ATP10D: variants seen among roughly 807,000 people sequenced by gnomAD.
The protein encoded by ATP10D is ATPase phospholipid transporting 10D (putative).
In ATP10D, 89 loss-of-function variants were observed where a neutral mutation model predicts 144.8. That is an observed-to-expected ratio of 0.61 (90% CI 0.52 to 0.73). The LOEUF (loss-of-function observed/expected upper bound fraction) is 0.73, where lower values mean the gene tolerates loss of function less well. Among genes scored for constraint, ATP10D ranks in the 30% least tolerant of loss-of-function variants. ATP10D has a pLI of 0.00. For synonymous variants in ATP10D, 571 were observed against 615.1 expected (o/e 0.93, Z 1.06); for missense variants, 1,603 against 1,714.8 (o/e 0.93, Z 1.15).
intron 21 of ATP10D, among the ~76,000 whole-genome samples, chr4:47,584,713 A>AT (rs1335609751): frequency 6.6e-6 from 1 of 152,170 alleles, no homozygotes; most frequent in East Asian, 1.9e-4. Flanking sequence ...GTTTTAAGAG[A>AT]TAAAAAATTG....
At chr4:47,507,756 G>C (rs917701277) in intron 1 of ATP10D, among the ~76,000 whole-genome samples, 3 of 152,232 alleles carry the variant, frequency 2.0e-5, no homozygotes, top group African/African-American at 7.2e-5. Flanking sequence ...ACTATGGCAA[G>C]TGCATATGAG....
chr4:47,558,946 C>T lies in ATP10D; in HGVS notation c.2458C>T (p.Gln820Ter). 1 of 1,613,920 alleles carries T rather than the reference C, an allele frequency of 6.2e-7. No homozygotes were observed. Among genetic ancestry groups the T allele is most frequent in the South Asian group, 1.1e-5 (1 of 91,056 alleles). ...AGATGGAGCAAGTCTGGAGAAACAA[C>T]AGATGATAGTAAGGGAGAAAACCCA... ...SPDGASLEKQ[Q>*]MIVREKTQKH... Residue 820 changes from glutamine to a stop codon, truncating the protein, a stop_gained, in exon 13 of 23, where the codon CAG (glutamine) becomes TAG (stop). Coordinates refer to ENST00000273859, the MANE Select transcript of ATP10D (RefSeq NM_020453.4). LOFTEE classifies it high-confidence loss of function.
intron 1 of ATP10D, among the ~76,000 whole-genome samples, chr4:47,511,691 G>A (rs1716336515): frequency 6.6e-6 from 1 of 152,182 alleles, no homozygotes; most frequent in Non-Finnish European, 1.5e-5. Context: ...TTCATAATTT[G>A]ATGGGTGGGC....
At chr4:47,582,494 G>T (rs966118461) in intron 21 of ATP10D, among the ~76,000 whole-genome samples, 8 of 152,138 alleles carry the variant, frequency 5.3e-5, no homozygotes, top group African/African-American at 1.9e-4. Context: ...CCCTTCAGTG[G>T]TTTCCCATTG....
Position 47,546,688 on chromosome 4 carries a change from T to TCTATAAAAA in ATP10D, c.1461_1462insCTATAAAAA (p.Ser487_Gly488insLeuTer). The TCTATAAAAA allele has an allele frequency of 1.9e-6, 3 of 1,614,142 alleles. No homozygotes were observed. Among genetic ancestry groups the TCTATAAAAA allele is most frequent in the Non-Finnish European group, 2.5e-6 (3 of 1,179,984 alleles). On this transcript the variant is annotated stop_gained and inframe_insertion, in exon 10 of 23. Coordinates refer to ENST00000273859, the MANE Select transcript of ATP10D (RefSeq NM_020453.4). LOFTEE classifies it high-confidence loss of function. ...ATGAAGATTTTATAGACACAGTCAGTGGTTCCCTCAGCAATATGGCAAAAC... is the reference window on the plus strand; with the variant it reads ...ATGAAGATTTTATAGACACAGTCAGTCTATAAAAAGGTTCCCTCAGCAATATGGCAAAAC...
intron 5 of ATP10D, among the ~76,000 whole-genome samples, chr4:47,533,844 A>G (rs1717689541): frequency 6.6e-6 from 1 of 151,852 alleles, no homozygotes; most frequent in Non-Finnish European, 1.5e-5. Context: ...TTCCTTTCCT[A>G]CCCCTCCACT....
chr4:47,542,520 C>G (rs968971200), intron 9 of ATP10D, among the ~76,000 whole-genome samples: 2 of 152,114 alleles, frequency 1.3e-5, no homozygotes, highest in Non-Finnish European at 2.9e-5. Flanking sequence ...CTAGTCTCGC[C>G]AGGTTGCAGT....
chr4:47,535,784 C>CA, intron 6 of ATP10D, 118 bp from the exon 7 acceptor site: 1 of 1,356,306 alleles, frequency 7.4e-7, no homozygotes, highest in Non-Finnish European at 9.9e-7. Flanking sequence ...ATTGAACTGA[C>CA]AAAATAGATC....
At chr4:47,564,154 A>G in intron 15 of ATP10D, among the ~76,000 whole-genome samples, 1 of 152,130 alleles carries the variant, frequency 6.6e-6, no homozygotes, top group Non-Finnish European at 1.5e-5. Flanking sequence ...GGCCTCCCAA[A>G]GTGCTGGGAT....
At chr4:47,510,814 T>TA (rs140555898) in intron 1 of ATP10D, among the ~76,000 whole-genome samples, 2,211 of 152,334 alleles carry the variant, frequency 0.015, 59 homozygotes, top group African/African-American at 0.051. Flanking sequence ...TAAACATTCT[T>TA]ATGTCTTAGT....
At chr4:47,489,971 C>T (rs1714988248) in intron 1 of ATP10D, among the ~76,000 whole-genome samples, 1 of 152,126 alleles carries the variant, frequency 6.6e-6, no homozygotes, top group South Asian at 2.1e-4. Context: ...CTACATTCCT[C>T]TTAGTAAAAC....
intron 22 of ATP10D, 63 bp from the exon 23 acceptor site, chr4:47,590,979 G>A (rs546890641): frequency 4.3e-6 from 5 of 1,160,652 alleles, no homozygotes; most frequent in Non-Finnish European, 5.9e-6. Flanking sequence ...TAGTATTTGG[G>A]GGGGGGGGTT....
chr4:47,568,785 T>C, intron 15 of ATP10D, 52 bp from the exon 16 acceptor site: 1 of 1,496,454 alleles, frequency 6.7e-7, no homozygotes, highest in Non-Finnish European at 9.1e-7. Flanking sequence ...ATGTAACTGG[T>C]TCTGACACCA....
chr4:47,537,068 A>T, intron 9 of ATP10D, 130 bp downstream of exon 9: 1 of 1,091,976 alleles, frequency 9.2e-7, no homozygotes, highest in Non-Finnish European at 1.3e-6. Flanking sequence ...ATGCTTCCAG[A>T]TGGCCTTTAA....
intron 10 of ATP10D, among the ~76,000 whole-genome samples, chr4:47,548,772 T>C (rs1302029970): frequency 6.6e-6 from 1 of 152,240 alleles, no homozygotes; most frequent in Non-Finnish European, 1.5e-5. Flanking sequence ...TCTTCCTCAA[T>C]GTATAAGATT....
intron 19 of ATP10D, 116 bp downstream of exon 19, chr4:47,577,089 T>C: frequency 2.2e-6 from 2 of 892,168 alleles, no homozygotes; most frequent in South Asian, 1.7e-5. Context: ...TATCTGATTG[T>C]TTTAAAAGAT....
intron 21 of ATP10D, 50 bp from the exon 22 acceptor site, chr4:47,586,969 A>G (rs1248626317): frequency 7.1e-6 from 11 of 1,555,398 alleles, no homozygotes; most frequent in Non-Finnish European, 8.8e-6. Flanking sequence ...GGGTGGCAAT[A>G]CTGTATCAGT....
chr4:47,580,258 T>G (rs778951040), intron 19 of ATP10D, 140 bp from the exon 20 acceptor site: 6 of 721,272 alleles, frequency 8.3e-6, no homozygotes, highest in Non-Finnish European at 1.2e-5. Context: ...GTTACCCTTA[T>G]CTTTACCTCT....
At chr4:47,564,241 T>A (rs1297769570) in intron 15 of ATP10D, among the ~76,000 whole-genome samples, 1 of 152,100 alleles carries the variant, frequency 6.6e-6, no homozygotes, top group Non-Finnish European at 1.5e-5. Context: ...ACCTACCTTG[T>A]GCTTGGAAGG....
Sources: allele counts gnomAD v4.1 joint callset (sites outside exome capture counted in the v4.1 genomes callset), GRCh38; gene constraint gnomAD v4.1.1; transcripts MANE v1.5; gene names NCBI Gene and HGNC (gene_info 2026-07-23, HGNC 2026-07-21).